Variants in MAP2K6 observed in about 807,000 individuals in gnomAD.
MAP2K6 encodes dual specificity mitogen-activated protein kinase kinase 6.
In MAP2K6, 16 loss-of-function variants were observed where a neutral mutation model predicts 53.7. The ratio of observed to expected loss-of-function variants is 0.30; its 90% CI spans 0.20 to 0.45. MAP2K6 has a LOEUF of 0.45. Among genes scored for constraint, MAP2K6 ranks in the 20% least tolerant of loss-of-function variants. The pLI is 1.00. For synonymous variants in MAP2K6, 132 were observed against 143.1 expected (o/e 0.92, Z 0.55); for missense variants, 204 against 411.9 (o/e 0.50, Z 4.37).
At chr17:69,467,776 C>T (rs1374688490) in intron 1 of MAP2K6, among the ~76,000 whole-genome samples, 2 of 151,496 alleles carry the variant, frequency 1.3e-5, no homozygotes, top group Non-Finnish European at 2.9e-5. Context: ...TTCTTAGTTT[C>T]GTGTTTTTTT....
At position 69,551,740 on chromosome 17, in the gene MAP2K6, A is replaced by G. The variant is rs1001955353; in HGVS notation, c.*9987A>G. On this transcript the variant is annotated 3_prime_UTR_variant, in exon 12 of 12. Coordinates refer to ENST00000590474, the MANE Select transcript of MAP2K6 (RefSeq NM_002758.4). ...TGAAATGATGTTTTAATAGAATAAT[A>G]GGTATTTTTAGAGGAAAAGTATTTT... is the stretch of plus-strand genomic sequence containing the variant. 9 of 152,240 alleles carry G rather than the reference A, an allele frequency of 5.9e-5. No individual in the cohort carries two copies. Among genetic ancestry groups the G allele is most frequent in the African/African-American group, 2.2e-4 (9 of 41,468 alleles). The allele number at this position is 152,240 out of a possible 1,614,324, so 9.4% of individuals were successfully genotyped here. A position where few individuals can be genotyped will look rare whatever the true frequency, so the allele number is the denominator to read the frequency against.
At chr17:69,537,481 C>T (rs376641223) in intron 11 of MAP2K6, among the ~76,000 whole-genome samples, 8 of 152,322 alleles carry the variant, frequency 5.3e-5, no homozygotes, top group African/African-American at 1.9e-4. Context: ...CAACTCAGGG[C>T]ATGTCTTAGA....
Position 69,542,260 on chromosome 17 carries a change from T to C in MAP2K6, c.*507T>C, listed in dbSNP as rs537892782. 7.9e-5 allele frequency: 12 copies of C among 152,770 alleles called. No homozygotes were observed. Among genetic ancestry groups the C allele is most frequent in the Non-Finnish European group, 1.6e-4 (11 of 68,038 alleles). The allele number at this position is 152,770 out of a possible 1,614,324, so 9.5% of individuals were successfully genotyped here. A position where few individuals can be genotyped will look rare whatever the true frequency, so the allele number is the denominator to read the frequency against. On this transcript the variant is annotated 3_prime_UTR_variant, in exon 12 of 12. Transcript: ENST00000590474. ...TAGGGCTTTTATTTTTTAAGTTCAA[T>C]TGTGTCTGTGGTCCAGAAGAAATTA...
chr17:69,488,942 T>C (rs1385668624), intron 1 of MAP2K6, among the ~76,000 whole-genome samples: 2 of 152,002 alleles, frequency 1.3e-5, no homozygotes, highest in Non-Finnish European at 2.9e-5. Context: ...AAAATAAGGC[T>C]GAGTGTGGTG....
intron 1 of MAP2K6, among the ~76,000 whole-genome samples, chr17:69,495,729 T>TA (rs34975415): frequency 0.16 from 24,590 of 149,698 alleles, 2,121 homozygotes; most frequent in Middle Eastern, 0.22. Flanking sequence ...GTATTATCTC[T>TA]AAAAAAAAAA....
At chr17:69,515,037 T>A (rs1030541681) in intron 2 of MAP2K6, among the ~76,000 whole-genome samples, 3 of 152,088 alleles carry the variant, frequency 2.0e-5, no homozygotes, top group African/African-American at 7.2e-5. Context: ...CAGAGAGACA[T>A]GAGTCTTTAC....
rs1912186734 is a variant in MAP2K6 at position 69,553,690 on chromosome 17, A to G, written c.*11937A>G. On this transcript the variant is annotated 3_prime_UTR_variant, in exon 12 of 12. Transcript: ENST00000590474. ...ACAACAGTTTAACGATAGAGAAGAC[A>G]GTGATAATGGCAAAAAAAACACCCA... The G allele has an allele frequency of 6.6e-6, 1 of 152,240 alleles. No homozygotes were observed. The highest frequency in any genetic ancestry group is 1.5e-5 in the Non-Finnish European group (1 of 68,042). The allele number at this position is 152,240 out of a possible 1,614,324, so 9.4% of individuals were successfully genotyped here.
intron 1 of MAP2K6, among the ~76,000 whole-genome samples, chr17:69,489,250 AAAAAT>A (rs1342210256): frequency 2.6e-5 from 4 of 151,746 alleles, no homozygotes; most frequent in Non-Finnish European, 5.9e-5. Flanking sequence ...GGAAAAAAGG[AAAAAT>A]AAAATAAGTT....
chr17:69,444,020 A>G (rs1323961698), intron 1 of MAP2K6, among the ~76,000 whole-genome samples: 1 of 152,198 alleles, frequency 6.6e-6, no homozygotes, highest in East Asian at 1.9e-4. Flanking sequence ...GGAATGACCA[A>G]AACTAGATTT....
intron 1 of MAP2K6, among the ~76,000 whole-genome samples, chr17:69,420,120 T>C (rs817542): frequency 0.39 from 58,495 of 151,934 alleles, 11,785 homozygotes; most frequent in Middle Eastern, 0.45. Flanking sequence ...ATTTTATTTA[T>C]ATAGTCTATA....
intron 10 of MAP2K6, among the ~76,000 whole-genome samples, chr17:69,533,759 G>T (rs1381271411): frequency 2.0e-5 from 3 of 148,798 alleles, no homozygotes; most frequent in Non-Finnish European, 3.0e-5. Flanking sequence ...TTTTTACCAG[G>T]GTCTGTGTGC....
intron 1 of MAP2K6, among the ~76,000 whole-genome samples, chr17:69,438,931 A>G (rs1292144316): frequency 6.6e-6 from 1 of 152,164 alleles, no homozygotes. Flanking sequence ...TATTTTATGA[A>G]CCTGAAAATT....
At chr17:69,520,208 TTTTA>T in intron 5 of MAP2K6, 58 bp from the exon 6 acceptor site, 2 of 875,076 alleles carry the variant, frequency 2.3e-6, no homozygotes, top group South Asian at 1.5e-5. Flanking sequence ...TGTTTTTTTT[TTTTA>T]TTTTTATTTC....
intron 1 of MAP2K6, among the ~76,000 whole-genome samples, chr17:69,444,974 G>A (rs1277613586): frequency 1.3e-5 from 2 of 152,140 alleles, no homozygotes; most frequent in Non-Finnish European, 2.9e-5. Flanking sequence ...AGGCTGGAGT[G>A]CGGTGGCACG....
intron 1 of MAP2K6, among the ~76,000 whole-genome samples, chr17:69,450,100 AAT>A (rs1491240393): frequency 7.6e-3 from 385 of 50,932 alleles, no homozygotes; most frequent in African/African-American, 0.025. Context: ...ACACCTGGCT[AAT>A]TTTTTTTTTT....
chr17:69,496,239 C>T (rs971499055), intron 1 of MAP2K6, among the ~76,000 whole-genome samples: 5 of 151,224 alleles, frequency 3.3e-5, no homozygotes, highest in African/African-American at 7.3e-5. Flanking sequence ...ACCGATTCTT[C>T]GAAATGTTCT....
intron 6 of MAP2K6, chr17:69,520,834 G>A (rs1188233266): frequency 1.5e-5 from 7 of 472,046 alleles, no homozygotes; most frequent in African/African-American, 4.0e-5. Context: ...AGACAGATGA[G>A]GGAGACATCC....
At chr17:69,541,608 A>G (rs1470430591) in intron 11 of MAP2K6, 68 bp from the exon 12 acceptor site, 3 of 1,215,036 alleles carry the variant, frequency 2.5e-6, no homozygotes, top group African/African-American at 3.0e-5. Context: ...AGATCTATTC[A>G]TTTGCTAATC....
chr17:69,439,186 G>C (rs905749990), intron 1 of MAP2K6, among the ~76,000 whole-genome samples: 1 of 152,184 alleles, frequency 6.6e-6, no homozygotes, highest in African/African-American at 2.4e-5. Context: ...TAAATGTTCT[G>C]AGAATTGCAG....
Sources: gnomAD v4.1 joint callset for allele counts (sites outside exome capture counted in the v4.1 genomes callset) on GRCh38, gnomAD v4.1.1 for gene constraint, MANE v1.5 for transcripts, NCBI Gene and HGNC (gene_info 2026-07-23, HGNC 2026-07-21) for gene names.